The following FER variants were observed in gnomAD, a reference collection of about 807,000 sequenced individuals.
FER encodes FER tyrosine kinase, also known as tyrosine-protein kinase Fer.
Under a neutral mutation model 111.0 loss-of-function variants are expected in FER, and 63 were observed. The observed-to-expected ratio is 0.57, with a 90% CI of 0.46 to 0.70. FER has a LOEUF of 0.70. Ranked by LOEUF, FER falls within the 30% of genes least tolerant of loss-of-function variation. FER has a pLI of 0.00. For missense variants in FER, 914 were observed against 954.0 expected (o/e 0.96, Z 0.55); for synonymous variants, 327 against 313.9 (o/e 1.04, Z -0.44).
Position 108,948,745 on chromosome 5 carries a change from A to G in FER, c.1329+2523A>G, listed in dbSNP as rs1333799145. ...CATCTATCTACTGCAGAATTTCTAT[A>G]ATGAGTGGCTGAGCAAATCGCTTGT... is the stretch of plus-strand genomic sequence containing the variant. On this transcript the variant is annotated intron_variant, in intron 11 of 19. Transcript: ENST00000281092. Among the ~76,000 whole-genome samples the G allele has an allele frequency of 2.0e-5, 3 of 152,058 alleles. No homozygotes were observed. The East Asian group carries it at 5.8e-4, about 29-fold the overall frequency.
chr5:108,845,988 T>G (rs1021535358), intron 5 of FER, among the ~76,000 whole-genome samples: 1 of 152,224 alleles, frequency 6.6e-6, no homozygotes, highest in Non-Finnish European at 1.5e-5. Flanking sequence ...TTAGTCATGA[T>G]GTATTACTAC....
At chr5:109,079,603 A>G (rs1436613507) in intron 16 of FER, among the ~76,000 whole-genome samples, 1 of 152,130 alleles carries the variant, frequency 6.6e-6, no homozygotes, top group East Asian at 1.9e-4. Flanking sequence ...TGGAAATCAT[A>G]CTAATGTTGT....
In FER at chr5:109,188,251, AATCT is replaced by A. The variant is rs1253849593; in HGVS notation, c.*677_*680del. On this transcript the variant is annotated 3_prime_UTR_variant, in exon 20 of 20. Transcript: ENST00000281092. Reference sequence around the variant, plus strand: ...CTCACGCCTGTAATCCCAGGCATGTAATCTCATGCCTGGGATTACAGGCGTGAGC... The same window carrying A: ...CTCACGCCTGTAATCCCAGGCATGTACATGCCTGGGATTACAGGCGTGAGC... 11 of 143,982 alleles carry A rather than the reference AATCT, an allele frequency of 7.6e-5. No individual in the cohort carries two copies. The highest frequency in any genetic ancestry group is 1.5e-4 in the African/African-American group (6 of 39,800). The allele number at this position is 143,982 out of a possible 1,614,324, so 8.9% of individuals were successfully genotyped here. A position where few individuals can be genotyped will look rare whatever the true frequency, so the allele number is the denominator to read the frequency against.
chr5:109,051,174 T>C (rs1419189941), intron 16 of FER: 7 of 666,538 alleles, frequency 1.1e-5, no homozygotes, highest in Non-Finnish European at 1.9e-5. Flanking sequence ...TTCTAATGTC[T>C]TTGTGTTTTC....
intron 13 of FER, among the ~76,000 whole-genome samples, chr5:109,015,237 A>G (rs1241859742): frequency 2.6e-5 from 4 of 152,018 alleles, no homozygotes; most frequent in African/African-American, 7.2e-5. Flanking sequence ...GTGTCGTTCC[A>G]TTTTGATTTT....
At chr5:109,019,257 C>T (rs1229065778) in intron 13 of FER, among the ~76,000 whole-genome samples, 1 of 151,670 alleles carries the variant, frequency 6.6e-6, no homozygotes, top group East Asian at 1.9e-4. Context: ...GTGATTATGT[C>T]ATATTCTCTA....
intron 1 of FER, among the ~76,000 whole-genome samples, 199 bp from the exon 2 acceptor site, chr5:108,767,894 G>T (rs1312980196): frequency 6.6e-6 from 1 of 152,160 alleles, no homozygotes; most frequent in Admixed American, 6.5e-5. Context: ...TTACTGTTTC[G>T]GAAAGTTAGA....
chr5:109,002,518 C>A (rs1316936281), intron 13 of FER, among the ~76,000 whole-genome samples: 4 of 151,970 alleles, frequency 2.6e-5, no homozygotes, highest in Non-Finnish European at 5.9e-5. Flanking sequence ...ACCATAAAAA[C>A]CCTAGAAGAA....
intron 10 of FER, among the ~76,000 whole-genome samples, chr5:108,920,922 G>T (rs1752937101): frequency 6.6e-6 from 1 of 151,932 alleles, no homozygotes; most frequent in East Asian, 1.9e-4. Flanking sequence ...TTTCCTACCA[G>T]TCCTCATCCA....
chr5:109,049,578 T>A (rs1025753199), intron 16 of FER, among the ~76,000 whole-genome samples: 36 of 152,230 alleles, frequency 2.4e-4, no homozygotes, highest in South Asian at 8.3e-4. Context: ...CTTTTTTTTT[T>A]AAAATGCTAA....
At chr5:108,844,939 T>C (rs552338328) in intron 5 of FER, among the ~76,000 whole-genome samples, 2 of 140,310 alleles carry the variant, frequency 1.4e-5, no homozygotes, top group African/African-American at 5.1e-5. Flanking sequence ...TTTCCAGTAT[T>C]GGGCCATTAC....
At chr5:108,915,233 G>A (rs1752107417) in intron 10 of FER, among the ~76,000 whole-genome samples, 1 of 152,172 alleles carries the variant, frequency 6.6e-6, no homozygotes, top group South Asian at 2.1e-4. Context: ...AGCACTTTGG[G>A]AGGCTGAGGC....
At chr5:109,125,943 A>G (rs17450476) in intron 17 of FER, among the ~76,000 whole-genome samples, 22,937 of 152,120 alleles carry the variant, frequency 0.15, 1,745 homozygotes, top group Middle Eastern at 0.22. Flanking sequence ...GGTGAAGGCT[A>G]AAACTGCTAC....
intron 17 of FER, among the ~76,000 whole-genome samples, chr5:109,116,784 A>G (rs1397201073): frequency 6.6e-6 from 1 of 152,204 alleles, no homozygotes; most frequent in Non-Finnish European, 1.5e-5. Context: ...CATAGTTTGA[A>G]GACAAATGGC....
chr5:109,060,749 G>A (rs762916457), intron 16 of FER, among the ~76,000 whole-genome samples: 33 of 143,268 alleles, frequency 2.3e-4, no homozygotes, highest in Non-Finnish European at 4.6e-4. Flanking sequence ...GTGTGTGTGT[G>A]CGTATGTGTG....
At chr5:109,003,248 A>C (rs1765042842) in intron 13 of FER, among the ~76,000 whole-genome samples, 1 of 152,252 alleles carries the variant, frequency 6.6e-6, no homozygotes, top group South Asian at 2.1e-4. Context: ...CTGGATTAAG[A>C]AAATGTGGCA....
chr5:108,892,737 T>C (rs1748331331), intron 9 of FER, among the ~76,000 whole-genome samples: 1 of 152,238 alleles, frequency 6.6e-6, no homozygotes, highest in Non-Finnish European at 1.5e-5. Context: ...CATGAAGTCC[T>C]TGCCCATGCC....
chr5:109,024,093 A>G (rs762047454), intron 13 of FER, among the ~76,000 whole-genome samples: 35 of 152,302 alleles, frequency 2.3e-4, no homozygotes, highest in Non-Finnish European at 4.3e-4. Flanking sequence ...AAAGTTACAC[A>G]GCTAGTGCAG....
In FER at chr5:108,954,877, T is replaced by A. The variant is rs1340721990; in HGVS notation, c.1478T>A (p.Val493Asp). 6.2e-7 allele frequency: 1 copy of A among 1,611,500 alleles called. No homozygotes were observed. Among genetic ancestry groups the A allele is most frequent in the Admixed American group, 1.7e-5 (1 of 59,920 alleles). ...RESHGKPGEY[V>D]LSVYSDGQRR... ...AGTCATGGGAAACCTGGTGAATATGTCCTTTCTGTATATTCTGATGGACAG... is the reference window on the plus strand; with the variant it reads ...AGTCATGGGAAACCTGGTGAATATGACCTTTCTGTATATTCTGATGGACAG... Residue 493 changes from valine (V) to aspartate (D), a missense_variant, in exon 12 of 20, where the codon GTC (valine) becomes GAC (aspartate). By Grantham distance (152) the Val-to-Asp change is radical. Coordinates refer to ENST00000281092, the MANE Select transcript of FER (RefSeq NM_005246.4).
Sources: allele counts gnomAD v4.1 joint callset (sites outside exome capture counted in the v4.1 genomes callset), GRCh38; gene constraint gnomAD v4.1.1; transcripts MANE v1.5; gene names NCBI Gene and HGNC (gene_info 2026-07-23, HGNC 2026-07-21).